CSMD1: variants seen among roughly 807,000 people sequenced by gnomAD.
CSMD1 encodes the protein CUB and sushi domain-containing protein 1.
In CSMD1, 213 loss-of-function variants were observed where a neutral mutation model predicts 417.5. The ratio of observed to expected loss-of-function variants is 0.51; its 90% CI spans 0.46 to 0.57. CSMD1 has a LOEUF of 0.57. Among genes scored for constraint, CSMD1 ranks in the 20% least tolerant of loss-of-function variants. The pLI is 0.00. For missense variants in CSMD1, 6,923 were observed against 4,529.7 expected (o/e 1.53, Z -15.17); for synonymous variants, 2,862 against 1,736.8 (o/e 1.65, Z -16.11).
intron 1 of CSMD1, among the ~76,000 whole-genome samples, chr8:4,920,064 G>C (rs757712171): frequency 5.3e-5 from 8 of 152,072 alleles, no homozygotes; most frequent in Non-Finnish European, 7.4e-5. Flanking sequence ...AGACAGTAGA[G>C]GAAAATAAAA....
intron 25 of CSMD1, among the ~76,000 whole-genome samples, chr8:3,304,541 T>G (rs1376868882): frequency 6.6e-6 from 1 of 152,154 alleles, no homozygotes; most frequent in Non-Finnish European, 1.5e-5. Context: ...AAATTAAGGA[T>G]AAACATGGAT....
intron 1 of CSMD1, among the ~76,000 whole-genome samples, chr8:4,967,745 AATG>A (rs1809973765): frequency 6.6e-6 from 1 of 152,154 alleles, no homozygotes; most frequent in Admixed American, 6.6e-5. Flanking sequence ...GTTCATCAAT[AATG>A]AACTTCTTGT....
chr8:4,529,031 G>A (rs536840476), intron 2 of CSMD1, among the ~76,000 whole-genome samples: 10 of 152,238 alleles, frequency 6.6e-5, no homozygotes, highest in South Asian at 4.1e-4. Flanking sequence ...GATGATATAT[G>A]TGAGACGGTG....
At chr8:4,555,762 C>G (rs983385658) in intron 2 of CSMD1, among the ~76,000 whole-genome samples, 8 of 152,158 alleles carry the variant, frequency 5.3e-5, no homozygotes, top group Non-Finnish European at 1.0e-4. Context: ...TTTCAGTTAA[C>G]AAATGCAAAA....
At chr8:4,667,937 G>A (rs765248673) in intron 1 of CSMD1, among the ~76,000 whole-genome samples, 2 of 152,094 alleles carry the variant, frequency 1.3e-5, no homozygotes, top group Admixed American at 1.3e-4. Context: ...TCACACATAC[G>A]TCTTTGAAAC....
intron 17 of CSMD1, among the ~76,000 whole-genome samples, chr8:3,391,227 T>C (rs980532191): frequency 1.6e-4 from 25 of 152,188 alleles, no homozygotes; most frequent in Admixed American, 1.4e-3. Context: ...TACTCCTTTA[T>C]CACAATGTTT....
rs541769658 is a variant in CSMD1, at chr8:3,063,215, C to T, written c.7475-10568G>A. Among the ~76,000 whole-genome samples the T allele has an allele frequency of 3.9e-5, 6 of 152,276 alleles. No homozygotes were observed. The South Asian group carries it at 1.2e-3, about 32-fold the overall frequency. On this transcript the variant is annotated intron_variant, in intron 49 of 69. Coordinates refer to ENST00000635120, the MANE Select transcript of CSMD1 (RefSeq NM_033225.6). The stretch of plus-strand genomic sequence containing the variant: ...CTCCCTGATAAGTGGGCTTGTTGGG[C>T]ATACTCTGGTAAACTAGTCAAGCCC...
intron 4 of CSMD1, among the ~76,000 whole-genome samples, chr8:4,023,663 T>A (rs1796902172): frequency 6.7e-6 from 1 of 149,224 alleles, no homozygotes; most frequent in African/African-American, 2.5e-5. Context: ...CTCGGCTCAC[T>A]GCAAGCTCCG....
At chr8:4,370,976 G>C (rs1802360020) in intron 3 of CSMD1, among the ~76,000 whole-genome samples, 1 of 152,192 alleles carries the variant, frequency 6.6e-6, no homozygotes, top group Non-Finnish European at 1.5e-5. Flanking sequence ...TAGTGTGATT[G>C]TTTGGAGGCA....
At chr8:3,751,409 A>C (rs1162472156) in intron 6 of CSMD1, among the ~76,000 whole-genome samples, 5 of 147,676 alleles carry the variant, frequency 3.4e-5, no homozygotes, top group African/African-American at 1.2e-4. Flanking sequence ...TAATACAATA[A>C]ATTTAATTAA....
intron 1 of CSMD1, among the ~76,000 whole-genome samples, chr8:4,645,814 G>T (rs1002763975): frequency 2.0e-5 from 3 of 152,054 alleles, no homozygotes; most frequent in African/African-American, 7.2e-5. Flanking sequence ...TAGATTCCGG[G>T]ACACATCATT....
chr8:4,275,524 T>A (rs138828977), intron 3 of CSMD1, among the ~76,000 whole-genome samples: 65 of 152,324 alleles, frequency 4.3e-4, no homozygotes, highest in African/African-American at 1.5e-3. Flanking sequence ...GCTGCTTTTG[T>A]AACTGTTACA....
chr8:4,249,139 A>C (rs1227520098), intron 3 of CSMD1, among the ~76,000 whole-genome samples: 1 of 152,196 alleles, frequency 6.6e-6, no homozygotes, highest in Non-Finnish European at 1.5e-5. Flanking sequence ...TTTCGTGGGA[A>C]AATATAATCT....
At chr8:3,661,307 C>T (rs117510925) in intron 7 of CSMD1, among the ~76,000 whole-genome samples, 260 of 152,238 alleles carry the variant, frequency 1.7e-3, no homozygotes, top group East Asian at 9.1e-3. Context: ...TCAAACTGTG[C>T]TCAAACAAGG....
intron 6 of CSMD1, among the ~76,000 whole-genome samples, chr8:3,732,874 T>A (rs577593024): frequency 4.1e-4 from 62 of 152,276 alleles, no homozygotes; most frequent in African/African-American, 1.5e-3. Flanking sequence ...AAGAGATCTA[T>A]CTATCTATCC....
At chr8:3,909,766 G>T (rs1236366773) in intron 5 of CSMD1, among the ~76,000 whole-genome samples, 1 of 152,090 alleles carries the variant, frequency 6.6e-6, no homozygotes, top group Non-Finnish European at 1.5e-5. Flanking sequence ...GAGCTAATAC[G>T]AACTCGACAA....
intron 26 of CSMD1, among the ~76,000 whole-genome samples, chr8:3,239,396 G>A (rs1481755599): frequency 6.6e-6 from 1 of 152,118 alleles, no homozygotes; most frequent in Non-Finnish European, 1.5e-5. Context: ...CAGAAGGGAA[G>A]AAATGACTAT....
At chr8:4,976,875 G>C (rs1810592104) in intron 1 of CSMD1, among the ~76,000 whole-genome samples, 1 of 151,996 alleles carries the variant, frequency 6.6e-6, no homozygotes, top group East Asian at 1.9e-4. Flanking sequence ...AAATATAGAG[G>C]GACATTGCTG....
chr8:4,795,473 T>C (rs1026913658), intron 1 of CSMD1, among the ~76,000 whole-genome samples: 7 of 151,570 alleles, frequency 4.6e-5, no homozygotes, highest in African/African-American at 1.5e-4. Flanking sequence ...GGTTTCACCG[T>C]GTTAGCCAGG....
Sources: allele counts gnomAD v4.1 joint callset (sites outside exome capture counted in the v4.1 genomes callset), GRCh38; gene constraint gnomAD v4.1.1; transcripts MANE v1.5; gene names NCBI Gene and HGNC (gene_info 2026-07-23, HGNC 2026-07-21).